Variants in SPRY3 observed in about 807,000 individuals in gnomAD.
The protein encoded by SPRY3 is sprouty RTK signaling antagonist 3.
In SPRY3, 15 loss-of-function variants were observed where a neutral mutation model predicts 20.2. The observed-to-expected ratio is 0.74, with a 90% CI of 0.50 to 1.14. SPRY3 has a LOEUF of 1.14. Ranked by LOEUF, SPRY3 falls within the 50% of genes most tolerant of loss-of-function variation. SPRY3 has a pLI of 0.00. For missense variants in SPRY3, 364 were observed against 363.9 expected (o/e 1.00, Z 0.00); for synonymous variants, 143 against 136.5 (o/e 1.05, Z -0.33).
chrX:155,662,561 G>C (rs782437090), intron 2 of SPRY3, among the ~76,000 whole-genome samples: 2 of 109,135 alleles, frequency 1.8e-5, no homozygotes, highest in East Asian at 2.9e-4. Flanking sequence ...GCAATGTGCA[G>C]TTGTGTTAGC....
At chrX:155,698,262 A>G (rs1277968286) in intron 2 of SPRY3, among the ~76,000 whole-genome samples, 2 of 111,998 alleles carry the variant, frequency 1.8e-5, no homozygotes, top group South Asian at 7.4e-4. Context: ...AAACTGTCAT[A>G]TGGCCACATC....
chrX:155,770,542 C>T (rs138109493), intron 3 of SPRY3, among the ~76,000 whole-genome samples: 93 of 152,094 alleles, frequency 6.1e-4, no homozygotes, highest in Non-Finnish European at 1.1e-3. Flanking sequence ...AGAGGCACTA[C>T]GTGACAAAAA....
intron 1 of SPRY3, among the ~76,000 whole-genome samples, chrX:155,650,785 A>G (rs1478140796): frequency 1.7e-4 from 19 of 111,642 alleles, no homozygotes; most frequent in African/African-American, 6.2e-4. Flanking sequence ...TTCTTGCTGG[A>G]AAGTTCCCAG....
At chrX:155,748,374 T>C (rs2091239514) in intron 2 of SPRY3, among the ~76,000 whole-genome samples, 1 of 151,786 alleles carries the variant, frequency 6.6e-6, no homozygotes, top group Non-Finnish European at 1.5e-5. Context: ...TCAAAAAGCA[T>C]TTTCTCACAG....
intron 2 of SPRY3, among the ~76,000 whole-genome samples, chrX:155,724,530 C>A (rs746551221): frequency 2.6e-4 from 40 of 151,990 alleles, no homozygotes; most frequent in Admixed American, 9.8e-4. Context: ...CCTAGGATTC[C>A]GAAATTCCTA....
intron 2 of SPRY3, among the ~76,000 whole-genome samples, chrX:155,719,004 A>T (rs1188995842): frequency 6.6e-6 from 1 of 152,150 alleles, no homozygotes; most frequent in African/African-American, 2.4e-5. Context: ...AAGAACCAAA[A>T]ATCAAGTGAG....
chrX:155,648,834 G>A (rs782492345), intron 1 of SPRY3, among the ~76,000 whole-genome samples: 96 of 111,331 alleles, frequency 8.6e-4, no homozygotes, highest in Non-Finnish European at 1.4e-3. Flanking sequence ...GAATCCAGGC[G>A]CTGGTTTTTT....
At chrX:155,763,838 T>A (rs930489254) in intron 2 of SPRY3, among the ~76,000 whole-genome samples, 1 of 152,232 alleles carries the variant, frequency 6.6e-6, no homozygotes, top group African/African-American at 2.4e-5. Context: ...TTTTTCAGTA[T>A]GCTCTGTTAG....
At chrX:155,700,533 G>A (rs2068133360) in intron 2 of SPRY3, among the ~76,000 whole-genome samples, 1 of 102,892 alleles carries the variant, frequency 9.7e-6, no homozygotes, top group East Asian at 3.0e-4. Flanking sequence ...TAATCCAAGA[G>A]TCTATCAACA....
At chrX:155,662,107 A>T (rs1472145629) in intron 2 of SPRY3, among the ~76,000 whole-genome samples, 1 of 111,711 alleles carries the variant, frequency 9.0e-6, no homozygotes, top group Non-Finnish European at 1.9e-5. Context: ...TTGTTGAAAC[A>T]CTTCATTTTT....
chrX:155,745,070 A>G (rs1052744433), intron 2 of SPRY3, among the ~76,000 whole-genome samples: 9 of 152,006 alleles, frequency 5.9e-5, no homozygotes, highest in Admixed American at 3.9e-4. Flanking sequence ...TCACCATTCA[A>G]ATGTTCCTTA....
chrX:155,734,151 C>T (rs1372735655), intron 2 of SPRY3, among the ~76,000 whole-genome samples: 2 of 152,144 alleles, frequency 1.3e-5, no homozygotes, highest in Admixed American at 6.5e-5. Flanking sequence ...AGCTTTCAGC[C>T]TGTCCTGCCT....
chrX:155,768,321 G>T (rs1007363276), intron 3 of SPRY3, among the ~76,000 whole-genome samples, 185 bp downstream of exon 2: 1 of 152,040 alleles, frequency 6.6e-6, no homozygotes, highest in African/African-American at 2.4e-5. Flanking sequence ...TAAATAAATC[G>T]GCTCTCGCAG....
chrX:155,651,004 A>G (rs2067975523), intron 1 of SPRY3, among the ~76,000 whole-genome samples: 1 of 111,140 alleles, frequency 9.0e-6, no homozygotes, highest in African/African-American at 3.3e-5. Flanking sequence ...TAGAGAATGT[A>G]CTATTTTATA....
chrX:155,646,960 AT>A (rs781840028), intron 1 of SPRY3, among the ~76,000 whole-genome samples: 1 of 111,355 alleles, frequency 9.0e-6, no homozygotes, highest in Non-Finnish European at 1.9e-5. Flanking sequence ...GTGAAGGTAC[AT>A]TTTTTTCTCC....
chrX:155,766,537 T>C (rs765941185), intron 2 of SPRY3, among the ~76,000 whole-genome samples: 1 of 152,310 alleles, frequency 6.6e-6, no homozygotes, highest in Non-Finnish European at 1.5e-5. Context: ...CTAAGAATGC[T>C]GATGGCCAAG....
At chrX:155,748,798 GC>G (rs2091242677) in intron 2 of SPRY3, among the ~76,000 whole-genome samples, 1 of 151,790 alleles carries the variant, frequency 6.6e-6, no homozygotes, top group African/African-American at 2.4e-5. Context: ...AAGAGATAGG[GC>G]AATCAGATTC....
chrX:155,773,621 T>C, intron 3 of SPRY3, 145 bp from the exon 3 acceptor site: 1 of 545,640 alleles, frequency 1.8e-6, no homozygotes, highest in Middle Eastern at 4.7e-4. Context: ...TAAGTGAGGT[T>C]AATTACAGAA....
intron 2 of SPRY3, among the ~76,000 whole-genome samples, chrX:155,732,853 G>A (rs1423801798): frequency 6.6e-6 from 1 of 151,942 alleles, no homozygotes; most frequent in African/African-American, 2.4e-5. Context: ...CAACAACGTG[G>A]ATGGCACTGG....
Sources: gnomAD v4.1 joint callset for allele counts (sites outside exome capture counted in the v4.1 genomes callset) on GRCh38, gnomAD v4.1.1 for gene constraint, MANE v1.5 for transcripts, NCBI Gene and HGNC (gene_info 2026-07-23, HGNC 2026-07-21) for gene names.